The following TTC27 variants were observed in gnomAD, a reference collection of about 807,000 sequenced individuals.
TTC27 encodes tetratricopeptide repeat protein 27.
A neutral mutation model predicts 115.9 loss-of-function variants in TTC27; 79 were observed. That is an observed-to-expected ratio of 0.68 (90% CI 0.57 to 0.82). The LOEUF is 0.82. Ranked by LOEUF, TTC27 falls within the 40% of genes least tolerant of loss-of-function variation. The pLI is 0.00. For synonymous variants in TTC27, 401 were observed against 356.0 expected, an observed-to-expected ratio of 1.13 and a Z score of -1.42; for missense variants, 1,054 against 993.1, an observed-to-expected ratio of 1.06 and a Z score of -0.82.
Position 32,721,373 on chromosome 2 carries a change from G to A in TTC27, c.1234-12455G>A, listed in dbSNP as rs192289001. Among the ~76,000 whole-genome samples, 31 of 152,302 alleles carry A rather than the reference G, an allele frequency of 2.0e-4. 1 individual carries two copies. The highest frequency in any genetic ancestry group is 3.7e-4 in the Non-Finnish European group (25 of 68,028). On this transcript the variant is annotated intron_variant, in intron 10 of 19. Transcript: ENST00000317907. ...GTTCTAGGGATATCCCAGTCTCGGA[G>A]ATAGCTGGATTCAGGGGTTCAAAGA...
At chr2:32,706,984 GA>G (rs1667396148) in intron 10 of TTC27, among the ~76,000 whole-genome samples, 1 of 152,198 alleles carries the variant, frequency 6.6e-6, no homozygotes, top group Admixed American at 6.5e-5. Context: ...TGGATGAAGT[GA>G]TATGTACCAC....
chr2:32,813,093 C>T (rs1226560350), intron 18 of TTC27, among the ~76,000 whole-genome samples: 6 of 152,104 alleles, frequency 3.9e-5, no homozygotes, highest in Admixed American at 2.6e-4. Context: ...AAAGGTTTAA[C>T]CTTACATATA....
chr2:32,751,608 C>A (rs967191791), intron 12 of TTC27, among the ~76,000 whole-genome samples: 1 of 152,084 alleles, frequency 6.6e-6, no homozygotes, highest in Non-Finnish European at 1.5e-5. Flanking sequence ...AACCACTCAT[C>A]GTGATGATGT....
At chr2:32,683,439 G>A (rs1198368424) in intron 9 of TTC27, among the ~76,000 whole-genome samples, 2 of 152,180 alleles carry the variant, frequency 1.3e-5, no homozygotes, top group East Asian at 3.9e-4. Flanking sequence ...CTGTCCCAAA[G>A]TTTACTAGAA....
intron 2 of TTC27, among the ~76,000 whole-genome samples, chr2:32,631,201 G>A (rs1040905176): frequency 3.3e-5 from 5 of 152,142 alleles, no homozygotes; most frequent in Non-Finnish European, 7.4e-5. Flanking sequence ...TGCTAGGGAG[G>A]CTGAGGCCGA....
chr2:32,810,343 A>C (rs1187119678), intron 16 of TTC27, among the ~76,000 whole-genome samples: 1 of 152,210 alleles, frequency 6.6e-6, no homozygotes, highest in African/African-American at 2.4e-5. Context: ...TGTTTTCAAC[A>C]ACGTTGTTTT....
chr2:32,703,537 T>C (rs1048079774), intron 10 of TTC27, among the ~76,000 whole-genome samples: 2 of 152,110 alleles, frequency 1.3e-5, no homozygotes, highest in African/African-American at 4.8e-5. Flanking sequence ...GAAGAATTAA[T>C]AAATAAAGAT....
In TTC27 at chr2:32,630,692, A is replaced by G. The variant is rs903112347; in HGVS notation, c.258A>G (p.Thr86=). Residue 86 remains threonine, a synonymous_variant, in exon 2 of 20, where the codon ACA becomes ACG. Coordinates refer to ENST00000317907, the MANE Select transcript of TTC27 (RefSeq NM_017735.5). ...TGGATTACTCAACAGATTTGGACACAACGGAAAGGTAGAATTTTATTTGAA... is the reference window on the plus strand; with the variant it reads ...TGGATTACTCAACAGATTTGGACACGACGGAAAGGTAGAATTTTATTTGAA... ...TFLDYSTDLD[T]TERQQLIFLL... 32 of 1,600,674 alleles carry G rather than the reference A, an allele frequency of 2.0e-5. No individual in the cohort carries two copies. Among genetic ancestry groups the G allele is most frequent in the Non-Finnish European group, 2.6e-5 (30 of 1,175,786 alleles).
At chr2:32,734,963 GTGGAGTCAGA>G (rs1296354797) in intron 11 of TTC27, among the ~76,000 whole-genome samples, 1 of 152,176 alleles carries the variant, frequency 6.6e-6, no homozygotes, top group Non-Finnish European at 1.5e-5. Flanking sequence ...GAGAGGTTAA[GTGGAGTCAGA>G]TGGAGCCAGC....
At chr2:32,797,171 CTCA>C (rs1670730758) in intron 16 of TTC27, among the ~76,000 whole-genome samples, 1 of 94,692 alleles carries the variant, frequency 1.1e-5, no homozygotes, top group African/African-American at 5.2e-5. Context: ...GAAACTCTGT[CTCA>C]AAAAAAAAAA....
chr2:32,783,018 C>T (rs1298223117), intron 15 of TTC27, among the ~76,000 whole-genome samples: 1 of 152,066 alleles, frequency 6.6e-6, no homozygotes. Flanking sequence ...TTATTCATTG[C>T]TTGCTTTGTA....
Position 32,664,791 on chromosome 2 carries a change from G to A in TTC27, c.805+324G>A, listed in dbSNP as rs114448667. ...TTTCCTGACCAAGTTTGGCCTCTCT[G>A]CATTGCCCTTTCTTGTAAATACCCA... On this transcript the variant is annotated intron_variant, in intron 6 of 19. Transcript: ENST00000317907. Among the ~76,000 whole-genome samples the A allele has an allele frequency of 5.1e-3, 771 of 151,442 alleles. 5 individuals carry two copies. Among genetic ancestry groups the A allele is most frequent in the African/African-American group, 0.017 (704 of 41,370 alleles).
At chr2:32,660,208 C>G (rs1199759587) in intron 5 of TTC27, among the ~76,000 whole-genome samples, 1 of 152,156 alleles carries the variant, frequency 6.6e-6, no homozygotes, top group Non-Finnish European at 1.5e-5. Flanking sequence ...GATCGCCATT[C>G]TAACTGGCAT....
rs369862248 is a variant in TTC27, at chr2:32,714,405, A to G, written c.1233+11485A>G. 7.0e-4 allele frequency among the ~76,000 whole-genome samples: 106 copies of G among 151,976 alleles called. 1 individual carries two copies. Among genetic ancestry groups the G allele is most frequent in the East Asian group, 3.7e-3 (19 of 5,160 alleles). ...GATCTCCTGACCTTGTGATCTGCTT[A>G]CCTCGGCCTCCCAAAGTGCTGGGAT... On this transcript the variant is annotated intron_variant, in intron 10 of 19. Coordinates refer to ENST00000317907, the MANE Select transcript of TTC27 (RefSeq NM_017735.5).
At chr2:32,673,719 G>A (rs565825011) in intron 8 of TTC27, among the ~76,000 whole-genome samples, 6 of 152,240 alleles carry the variant, frequency 3.9e-5, no homozygotes, top group African/African-American at 1.2e-4. Context: ...TATTGACCAG[G>A]TGCGGTGTCT....
chr2:32,631,773 C>T (rs1335665751), intron 2 of TTC27, among the ~76,000 whole-genome samples: 1 of 151,248 alleles, frequency 6.6e-6, no homozygotes, highest in Non-Finnish European at 1.5e-5. Context: ...CTACTACAGG[C>T]TTTTAATTTT....
chr2:32,685,092 G>T (rs541644835), intron 9 of TTC27, among the ~76,000 whole-genome samples: 13 of 146,170 alleles, frequency 8.9e-5, no homozygotes, highest in African/African-American at 2.8e-4. Context: ...GTGCAATGGC[G>T]CAATCTTGGC....
At position 32,634,060 on chromosome 2, in the gene TTC27, A is replaced by G. The variant is rs1222738416; in HGVS notation, c.396+55A>G. 8 of 1,553,964 alleles carry G rather than the reference A, an allele frequency of 5.1e-6. 1 individual carries two copies. The highest frequency in any genetic ancestry group is 5.2e-6 in the Non-Finnish European group (6 of 1,151,386). ...TATTATTATGTTATTTATTTTTTAT[A>G]AGCAGGTCTTTATAAACTGGAACTC... On this transcript the variant is annotated intron_variant, in intron 3 of 19. Transcript: ENST00000317907.
chr2:32,721,133 T>C (rs920289527), intron 10 of TTC27, among the ~76,000 whole-genome samples: 1 of 152,222 alleles, frequency 6.6e-6, no homozygotes, highest in African/African-American at 2.4e-5. Flanking sequence ...GATTTTATGC[T>C]TATTTTCATG....
Sources: gnomAD v4.1 joint callset for allele counts (sites outside exome capture counted in the v4.1 genomes callset) on GRCh38, gnomAD v4.1.1 for gene constraint, MANE v1.5 for transcripts, NCBI Gene and HGNC (gene_info 2026-07-23, HGNC 2026-07-21) for gene names.